The following TPD52 variants were observed in gnomAD, a reference collection of about 807,000 sequenced individuals.
TPD52 encodes the protein tumor protein D52.
Under a neutral mutation model 31.3 loss-of-function variants are expected in TPD52, and 17 were observed. The observed-to-expected ratio is 0.54, with a 90% CI of 0.37 to 0.82. The LOEUF (loss-of-function observed/expected upper bound fraction) is 0.82, where lower values mean the gene tolerates loss of function less well. Ranked by LOEUF, TPD52 falls within the 40% of genes least tolerant of loss-of-function variation. TPD52 has a pLI of 0.00. For synonymous variants in TPD52, 83 were observed against 89.6 expected (o/e 0.93, Z 0.42); for missense variants, 212 against 240.1 (o/e 0.88, Z 0.77).
intron 1 of TPD52, among the ~76,000 whole-genome samples, chr8:80,125,464 G>A (rs566495608): frequency 4.6e-5 from 7 of 152,058 alleles, no homozygotes; most frequent in Admixed American, 2.6e-4. Context: ...CACAGCTGGC[G>A]ATGATACTGA....
At chr8:80,129,341 A>G (rs999764161) in intron 1 of TPD52, among the ~76,000 whole-genome samples, 3 of 152,244 alleles carry the variant, frequency 2.0e-5, no homozygotes, top group Admixed American at 6.5e-5. Flanking sequence ...ATTAAAATTT[A>G]TATTAAGTTA....
intron 1 of TPD52, among the ~76,000 whole-genome samples, chr8:80,086,877 CA>C (rs58864911): frequency 1.9e-3 from 148 of 76,548 alleles, no homozygotes; most frequent in South Asian, 4.4e-3. Context: ...GCTGTCTCAA[CA>C]AAAAAAAAAA....
chr8:80,088,578 T>C (rs1176960500), intron 1 of TPD52, among the ~76,000 whole-genome samples: 4 of 152,138 alleles, frequency 2.6e-5, no homozygotes, highest in Admixed American at 2.0e-4. Flanking sequence ...CACCCCTGTC[T>C]GAAGCTGGAC....
chr8:80,139,170 A>G (rs1388272790), intron 1 of TPD52, among the ~76,000 whole-genome samples: 1 of 152,188 alleles, frequency 6.6e-6, no homozygotes, highest in Non-Finnish European at 1.5e-5. Context: ...TGCTCTGCCT[A>G]AGACACTGGC....
chr8:80,056,196 T>G (rs1277257892), intron 2 of TPD52, among the ~76,000 whole-genome samples: 3 of 152,144 alleles, frequency 2.0e-5, no homozygotes, highest in Non-Finnish European at 2.9e-5. Flanking sequence ...TAAAAAAGAA[T>G]GAAATCCTGT....
intron 1 of TPD52, among the ~76,000 whole-genome samples, chr8:80,088,597 G>A (rs370286989): frequency 8.5e-5 from 13 of 152,130 alleles, no homozygotes; most frequent in African/African-American, 3.1e-4. Flanking sequence ...ACTGCCGAGG[G>A]GAGAGGGAAG....
intron 1 of TPD52, among the ~76,000 whole-genome samples, chr8:80,146,507 C>T (rs1024369834): frequency 2.6e-5 from 4 of 152,116 alleles, no homozygotes; most frequent in African/African-American, 9.7e-5. Flanking sequence ...TACCTAAGGC[C>T]GGGCATTAAT....
At chr8:80,031,474 G>C (rs962103899), downstream of TPD52, among the ~76,000 whole-genome samples, 1 of 152,184 alleles carries the variant, frequency 6.6e-6, no homozygotes, top group Non-Finnish European at 1.5e-5. Flanking sequence ...CTCTTGCCTA[G>C]AACATTATTT....
chr8:80,072,351 G>GTGTGTGTGTGTA (rs1459261192), intron 1 of TPD52, among the ~76,000 whole-genome samples: 1 of 149,652 alleles, frequency 6.7e-6, no homozygotes, highest in Non-Finnish European at 1.5e-5. Context: ...GTGTGTGTAT[G>GTGTGTGTGTGTA]TGTGTATATA....
intron 1 of TPD52, among the ~76,000 whole-genome samples, chr8:80,082,118 CTTTTT>C (rs376859746): frequency 7.1e-6 from 1 of 140,264 alleles, no homozygotes; most frequent in Non-Finnish European, 1.6e-5. Context: ...TATGGTAAGT[CTTTTT>C]TTTTTTTTTT....
chr8:80,089,693 G>A (rs530025885), intron 1 of TPD52, among the ~76,000 whole-genome samples: 1 of 152,280 alleles, frequency 6.6e-6, no homozygotes, highest in East Asian at 1.9e-4. Flanking sequence ...TTATCCTTAA[G>A]GAACCCTTAC....
downstream of TPD52, among the ~76,000 whole-genome samples, chr8:80,033,861 C>A (rs1001981095): frequency 6.6e-6 from 1 of 152,070 alleles, no homozygotes; most frequent in Non-Finnish European, 1.5e-5. Context: ...AAACACCATC[C>A]GATTAGCCGA....
At chr8:80,097,174 C>T (rs1044239439) in intron 1 of TPD52, among the ~76,000 whole-genome samples, 15 of 152,198 alleles carry the variant, frequency 9.9e-5, no homozygotes, top group Non-Finnish European at 2.1e-4. Flanking sequence ...TAATCCAGGG[C>T]AAGGTCCTAC....
rs979199322 is a variant in TPD52 at position 80,051,598 on chromosome 8, C to T, written c.315G>A (p.Gln105=). The change falls in exon 4 of 8, where the codon CAG becomes CAA. Residue 105 remains glutamine, a synonymous_variant. Coordinates refer to ENST00000518937, the MANE Select transcript of TPD52 (RefSeq NM_001025253.3). ...AAGCAGCTGAGGCCTTCTGTCCAGCCTGGGATAAGGTTTCAGATGTCTTCT... is the reference window on the plus strand; with the variant it reads ...AAGCAGCTGAGGCCTTCTGTCCAGCTTGGGATAAGGTTTCAGATGTCTTCT... ...AYKKTSETLS[Q]AGQKASAAFS... is the part of the protein sequence containing the mutation. 2 of 1,611,912 alleles carry T rather than the reference C, an allele frequency of 1.2e-6. No homozygotes were observed. Among genetic ancestry groups the T allele is most frequent in the African/African-American group, 2.7e-5 (2 of 74,686 alleles).
At chr8:80,094,489 T>C (rs1408389598) in intron 1 of TPD52, among the ~76,000 whole-genome samples, 1 of 118,168 alleles carries the variant, frequency 8.5e-6, no homozygotes, top group Non-Finnish European at 1.8e-5. Flanking sequence ...TATATATGTA[T>C]GTATATATAA....
chr8:80,031,975 A>G (rs1809703904), downstream of TPD52, among the ~76,000 whole-genome samples: 1 of 152,064 alleles, frequency 6.6e-6, no homozygotes, highest in African/African-American at 2.4e-5. Context: ...CAACATGGTG[A>G]AACCCTGTCT....
rs564051952 is a variant in TPD52, at chr8:80,034,932, C to T, written c.*3184G>A. The stretch of plus-strand genomic sequence containing the variant: ...TGGCAGGCAAAAGCACTTGCAGACC[C>T]GACTCTCTGAGAACTTACAAACAAA... On this transcript the variant is annotated 3_prime_UTR_variant, in exon 8 of 8. Transcript: ENST00000518937. The T allele has an allele frequency of 2.0e-5, 3 of 151,784 alleles. No homozygotes were observed. Among genetic ancestry groups the T allele is most frequent in the Middle Eastern group, 3.4e-3 (1 of 294 alleles). 9.4% of individuals were successfully genotyped at this position (151,784 alleles called of 1,614,324 possible).
intron 1 of TPD52, among the ~76,000 whole-genome samples, chr8:80,100,098 A>C (rs969783319): frequency 6.6e-6 from 1 of 152,246 alleles, no homozygotes; most frequent in African/African-American, 2.4e-5. Flanking sequence ...GCAATTTTAA[A>C]TTTAGATTCT....
intron 4 of TPD52, chr8:80,051,308 A>G (rs1811362007): frequency 1.1e-5 from 6 of 542,930 alleles, no homozygotes; most frequent in Non-Finnish European, 3.2e-6. Flanking sequence ...GAATTTTTCA[A>G]CAACCTTAAA....
Sources: allele counts gnomAD v4.1 joint callset (sites outside exome capture counted in the v4.1 genomes callset), GRCh38; gene constraint gnomAD v4.1.1; transcripts MANE v1.5; gene names NCBI Gene and HGNC (gene_info 2026-07-23, HGNC 2026-07-21).